The following SAMD4A variants were observed in gnomAD, a reference collection of about 807,000 sequenced individuals.
SAMD4A encodes the protein sterile alpha motif domain containing 4A.
Under a neutral mutation model 81.3 loss-of-function variants are expected in SAMD4A, and 33 were observed. The ratio of observed to expected loss-of-function variants is 0.41; its 90% CI spans 0.31 to 0.54. SAMD4A has a LOEUF of 0.54. SAMD4A is among the 20% of genes least tolerant of loss of function. The pLI is 0.37. For synonymous variants in SAMD4A, 389 were observed against 382.1 expected (o/e 1.02, Z -0.21); for missense variants, 854 against 951.1 (o/e 0.90, Z 1.34).
chr14:54,663,455 A>T (rs1474250325), intron 2 of SAMD4A, among the ~76,000 whole-genome samples: 1 of 152,212 alleles, frequency 6.6e-6, no homozygotes, highest in Non-Finnish European at 1.5e-5. Context: ...TTAAGACACA[A>T]CGTGAACCTT....
In SAMD4A at chr14:54,603,105, C is replaced by T. The variant is rs868424766; in HGVS notation, c.196+34993C>T. Among the ~76,000 whole-genome samples, 10 of 152,262 alleles carry T rather than the reference C, an allele frequency of 6.6e-5. No individual in the cohort carries two copies. The South Asian group carries it at 8.3e-4, about 13-fold the overall frequency. ...CCCACCCCAGTGGTGGATGGGGGAG[C>T]GAGGCGGACCATGTGACTTGGCATG... On this transcript the variant is annotated intron_variant, in intron 2 of 12. Transcript: ENST00000554335.
intron 2 of SAMD4A, among the ~76,000 whole-genome samples, chr14:54,686,758 C>A (rs2036281801): frequency 6.6e-6 from 1 of 152,148 alleles, no homozygotes; most frequent in Non-Finnish European, 1.5e-5. Context: ...TGGTTACGCG[C>A]TAAATTGGGA....
chr14:54,769,850 C>T (rs2038654272), intron 8 of SAMD4A, among the ~76,000 whole-genome samples: 2 of 152,152 alleles, frequency 1.3e-5, no homozygotes, highest in African/African-American at 4.8e-5. Flanking sequence ...ATGGATCTGC[C>T]AGAAATGTCA....
At chr14:54,672,899 T>C (rs1413168853) in intron 2 of SAMD4A, among the ~76,000 whole-genome samples, 1 of 152,220 alleles carries the variant, frequency 6.6e-6, no homozygotes, top group Non-Finnish European at 1.5e-5. Flanking sequence ...GAGTGAAATA[T>C]CACCGTGTTA....
chr14:54,568,863 T>C (rs1431431172), intron 2 of SAMD4A, among the ~76,000 whole-genome samples: 1 of 151,700 alleles, frequency 6.6e-6, no homozygotes, highest in Admixed American at 6.6e-5. Flanking sequence ...TAGGAAACTT[T>C]ACTGAATAGA....
intron 2 of SAMD4A, among the ~76,000 whole-genome samples, chr14:54,581,852 T>C (rs2033478313): frequency 6.6e-6 from 1 of 152,266 alleles, no homozygotes; most frequent in African/African-American, 2.4e-5. Flanking sequence ...TTGGTATACC[T>C]CAGCTAAACA....
At chr14:54,623,149 C>T (rs1045119300) in intron 2 of SAMD4A, among the ~76,000 whole-genome samples, 3 of 152,148 alleles carry the variant, frequency 2.0e-5, no homozygotes, top group African/African-American at 7.2e-5. Flanking sequence ...TGCCCTGTTC[C>T]CACATCAGGC....
chr14:54,734,216 T>C (rs998076011), intron 3 of SAMD4A, among the ~76,000 whole-genome samples: 2 of 152,206 alleles, frequency 1.3e-5, no homozygotes, highest in African/African-American at 2.4e-5. Context: ...CCTTGGTTCC[T>C]TTGGAGAACA....
chr14:54,763,916 C>G (rs182588829), intron 7 of SAMD4A, among the ~76,000 whole-genome samples: 1 of 152,222 alleles, frequency 6.6e-6, no homozygotes, highest in Non-Finnish European at 1.5e-5. Context: ...GCATATCACT[C>G]TGAGAAAGCA....
intron 7 of SAMD4A, among the ~76,000 whole-genome samples, chr14:54,763,225 A>AT (rs2038451453): frequency 6.6e-6 from 1 of 151,004 alleles, no homozygotes. Context: ...TTTAAAAAAA[A>AT]ATACTATAGC....
intron 2 of SAMD4A, among the ~76,000 whole-genome samples, chr14:54,607,378 G>T (rs956706938): frequency 6.6e-6 from 1 of 152,050 alleles, no homozygotes; most frequent in African/African-American, 2.4e-5. Context: ...AGGATGGAAA[G>T]GGAGTCAAAA....
At chr14:54,754,528 G>T (rs947736130) in intron 6 of SAMD4A, among the ~76,000 whole-genome samples, 11 of 152,270 alleles carry the variant, frequency 7.2e-5, no homozygotes, top group African/African-American at 2.6e-4. Flanking sequence ...ATCCACTGAG[G>T]ACGCATCCCC....
At chr14:54,721,747 C>T (rs2037267841) in intron 3 of SAMD4A, among the ~76,000 whole-genome samples, 1 of 152,134 alleles carries the variant, frequency 6.6e-6, no homozygotes, top group Admixed American at 6.6e-5. Flanking sequence ...TATCCAGAAA[C>T]TAGGCTGGAG....
At chr14:54,749,221 A>C (rs1442318992) in intron 5 of SAMD4A, among the ~76,000 whole-genome samples, 1 of 152,180 alleles carries the variant, frequency 6.6e-6, no homozygotes, top group Non-Finnish European at 1.5e-5. Context: ...CCAGGGAGGA[A>C]TCGGTGGATT....
intron 2 of SAMD4A, among the ~76,000 whole-genome samples, chr14:54,654,503 A>G (rs922326428): frequency 6.6e-6 from 1 of 152,234 alleles, no homozygotes; most frequent in Non-Finnish European, 1.5e-5. Context: ...CATTTAAAAA[A>G]AATTGTTTTT....
intron 2 of SAMD4A, among the ~76,000 whole-genome samples, chr14:54,594,579 G>T (rs950397318): frequency 5.9e-5 from 9 of 152,216 alleles, no homozygotes; most frequent in Non-Finnish European, 1.0e-4. Context: ...GGAAATTGTA[G>T]TGGAAGGGAA....
intron 3 of SAMD4A, among the ~76,000 whole-genome samples, chr14:54,721,976 C>T (rs1594857522): frequency 6.6e-6 from 1 of 152,262 alleles, no homozygotes; most frequent in East Asian, 1.9e-4. Flanking sequence ...ATGATGGCTT[C>T]TAGCAGTCTA....
At chr14:54,616,745 A>G (rs1026121371) in intron 2 of SAMD4A, among the ~76,000 whole-genome samples, 8 of 152,188 alleles carry the variant, frequency 5.3e-5, no homozygotes, top group Admixed American at 2.6e-4. Flanking sequence ...TTTTGTTTGG[A>G]CAATTTAAAG....
chr14:54,687,463 C>T, intron 2 of SAMD4A: 2 of 417,106 alleles, frequency 4.8e-6, no homozygotes, highest in Non-Finnish European at 9.4e-6. Context: ...CAAAAAAAGG[C>T]AGCCAAAAAA....
Sources: allele counts gnomAD v4.1 joint callset (sites outside exome capture counted in the v4.1 genomes callset), GRCh38; gene constraint gnomAD v4.1.1; transcripts MANE v1.5; gene names NCBI Gene and HGNC (gene_info 2026-07-23, HGNC 2026-07-21).